The following WNK2 variants were observed in gnomAD, a reference collection of about 807,000 sequenced individuals.
WNK2 encodes serine/threonine-protein kinase WNK2.
WNK2 carries 67 observed loss-of-function variants against 192.1 expected under a neutral mutation model. The ratio of observed to expected loss-of-function variants is 0.35; its 90% CI spans 0.29 to 0.43. The LOEUF (loss-of-function observed/expected upper bound fraction) is 0.43. WNK2 is among the 20% of genes least tolerant of loss of function. The pLI is 1.00. For synonymous variants in WNK2, 1,439 were observed against 1,393.9 expected (o/e 1.03, Z -0.72); for missense variants, 2,698 against 3,089.7 (o/e 0.87, Z 3.01).
chr9:93,225,586 G>A (rs1395672144), intron 2 of WNK2, among the ~76,000 whole-genome samples: 3 of 152,214 alleles, frequency 2.0e-5, no homozygotes, highest in Non-Finnish European at 4.4e-5. Flanking sequence ...AGACTGTAGT[G>A]CATGCAGGGT....
Position 93,185,420 on chromosome 9 carries a change from A to T in WNK2, c.491A>T (p.Glu164Val), listed in dbSNP as rs1475585622. ...GAGGGGGCGGCCGAGGCGAAGCCTG[A>T]GCCCGGGCGCACTCGCCGGGACGAG... is the stretch of plus-strand genomic sequence containing the variant. ...EDEGAAEAKP[E>V]PGRTRRDEPE... Residue 164 changes from glutamate (E) to valine (V), a missense_variant, in exon 2 of 30, where the codon GAG becomes GTG. Glu to Val is a moderately radical substitution (Grantham distance 121). Transcript: ENST00000427277. 6.2e-7 allele frequency: 1 copy of T among 1,610,352 alleles called. No homozygotes were observed. The highest frequency in any genetic ancestry group is 8.5e-7 in the Non-Finnish European group (1 of 1,179,054).
rs1278639610 is a variant in WNK2, at chr9:93,257,892, A to G, written c.2382+753A>G. On this transcript the variant is annotated intron_variant, in intron 11 of 29. Coordinates refer to ENST00000427277, the MANE Select transcript of WNK2 (RefSeq NM_006648.4). This position sits in a 1 kb window ranked among gnomAD's most constrained non-coding sequence, Gnocchi z 4.7. ...GGCCAGGGCACCATTGCCCAGGTAA[A>G]TGGCATGGAGGATTCTAGGTACTCC... Among the ~76,000 whole-genome samples the G allele has an allele frequency of 1.3e-5, 2 of 152,204 alleles. No individual in the cohort carries two copies. Among genetic ancestry groups the G allele is most frequent in the Admixed American group, 6.5e-5 (1 of 15,280 alleles).
At chr9:93,288,698 G>C (rs1372804825) in intron 19 of WNK2, 90 bp from the exon 20 acceptor site, 1 of 1,308,444 alleles carries the variant, frequency 7.6e-7, no homozygotes, top group Non-Finnish European at 1.0e-6. Context: ...GCCATGGCCA[G>C]CTGTGTAAGG....
intron 2 of WNK2, among the ~76,000 whole-genome samples, chr9:93,220,057 G>C (rs770203498): frequency 1.8e-4 from 27 of 152,218 alleles, no homozygotes; most frequent in Non-Finnish European, 3.1e-4. Flanking sequence ...AGGGAGTCTT[G>C]GTTGTTTAAA....
rs1442662864 is a variant in WNK2, at chr9:93,257,339, G to A, written c.2382+200G>A. ...TCATATGCACCAGGAACGCTCCAGGGTCCCACACAACCAGCCACTTGTCCC... is the reference window on the plus strand; with the variant it reads ...TCATATGCACCAGGAACGCTCCAGGATCCCACACAACCAGCCACTTGTCCC... On this transcript the variant is annotated intron_variant, in intron 11 of 29. Coordinates refer to ENST00000427277, the MANE Select transcript of WNK2 (RefSeq NM_006648.4). This position sits in a 1 kb window ranked among gnomAD's most constrained non-coding sequence, Gnocchi z 4.7. Among the ~76,000 whole-genome samples, 1 of 152,046 alleles carries A rather than the reference G, an allele frequency of 6.6e-6. No homozygotes were observed. The highest frequency in any genetic ancestry group is 2.4e-5 in the African/African-American group (1 of 41,380).
At chr9:93,295,887 C>T (rs1271052935) in intron 23 of WNK2, among the ~76,000 whole-genome samples, 1 of 145,024 alleles carries the variant, frequency 6.9e-6, no homozygotes, top group Non-Finnish European at 1.5e-5. Context: ...TCTCCATCCT[C>T]AACTCACTTT....
rs770363897 is a variant in WNK2, at chr9:93,305,057, C to CCTCT, written c.6215-1719_6215-1716dup. 3.9e-5 allele frequency among the ~76,000 whole-genome samples: 6 copies of CCTCT among 152,200 alleles called. No homozygotes were observed. In the East Asian group the frequency reaches 7.7e-4, roughly 20 times the overall value. ...CAGCTCTGATCGCAGGTCCAGGCTC[C>CCTCT]CTCTGGTGGTTCCCAGCCGGCAGCC... is the stretch of plus-strand genomic sequence containing the variant. On this transcript the variant is annotated intron_variant, in intron 26 of 29. Coordinates refer to ENST00000427277, the MANE Select transcript of WNK2 (RefSeq NM_006648.4).
chr9:93,305,731 G>C (rs2134203283), intron 26 of WNK2, among the ~76,000 whole-genome samples: 1 of 152,352 alleles, frequency 6.6e-6, no homozygotes, highest in East Asian at 1.9e-4. Context: ...ACGTTGCCAG[G>C]TTTTCTGAGT....
intron 18 of WNK2, 26 bp from the exon 19 acceptor site, chr9:93,268,601 C>G: frequency 6.3e-7 from 1 of 1,597,986 alleles, no homozygotes; most frequent in Non-Finnish European, 8.5e-7. Flanking sequence ...ACTCACTCAG[C>G]GTGCTGTTTC....
chr9:93,217,235 G>A (rs937239233), intron 2 of WNK2, among the ~76,000 whole-genome samples: 1 of 152,144 alleles, frequency 6.6e-6, no homozygotes, highest in Non-Finnish European at 1.5e-5. Context: ...GGGATTACAG[G>A]CGAAAGCCAC....
Position 93,235,033 on chromosome 9 carries a change from G to T in WNK2, c.1233+68G>T, listed in dbSNP as rs1459697220. ...GGCCTTGGGCCGTACCCTGGGCTGGGCTCCATGTGGCTCTGTAAAGCCATC... is the reference window on the plus strand; with the variant it reads ...GGCCTTGGGCCGTACCCTGGGCTGGTCTCCATGTGGCTCTGTAAAGCCATC... On this transcript the variant is annotated intron_variant, in intron 5 of 29. Coordinates refer to ENST00000427277, the MANE Select transcript of WNK2 (RefSeq NM_006648.4). 107 of 1,563,150 alleles carry T rather than the reference G, an allele frequency of 6.8e-5. No homozygotes were observed. The East Asian group carries it at 2.4e-3, about 36-fold the overall frequency.
rs1249468884 is a variant in WNK2 at position 93,299,131 on chromosome 9, G to C, written c.5985G>C (p.Gly1995=). 6.2e-7 allele frequency: 1 copy of C among 1,611,988 alleles called. No individual in the cohort carries two copies. The highest frequency in any genetic ancestry group is 8.5e-7 in the Non-Finnish European group (1 of 1,179,658). Residue 1995 remains glycine, a synonymous_variant, in exon 25 of 30, where the codon GGG becomes GGC. Coordinates refer to ENST00000427277, the MANE Select transcript of WNK2 (RefSeq NM_006648.4). ...AGGACCCTGCCCAAGCCAGTGTGGG[G>C]CTCACTGCAGACAGCACGGGCCTGA... ...PAKDPAQASV[G]LTADSTGLSG...
At chr9:93,291,065 C>T (rs1849270079) in intron 21 of WNK2, among the ~76,000 whole-genome samples, 1 of 152,152 alleles carries the variant, frequency 6.6e-6, no homozygotes, top group African/African-American at 2.4e-5. Context: ...TAAGAGGGGT[C>T]GGGGCAGCTG....
chr9:93,272,770 G>A (rs1294445225), intron 19 of WNK2, among the ~76,000 whole-genome samples: 1 of 134,020 alleles, frequency 7.5e-6, no homozygotes, highest in Non-Finnish European at 1.6e-5. Context: ...AAATAACCCG[G>A]AAGAGGAAAT....
At chr9:93,268,775 C>G in intron 19 of WNK2, 29 bp downstream of exon 19, 4 of 1,601,502 alleles carry the variant, frequency 2.5e-6, no homozygotes, top group Non-Finnish European at 3.4e-6. Flanking sequence ...CACACAAGCC[C>G]CTCCCTGTTT....
chr9:93,308,286 G>T, intron 27 of WNK2, 42 bp from the exon 28 acceptor site: 6 of 1,533,852 alleles, frequency 3.9e-6, no homozygotes, highest in Non-Finnish European at 4.4e-6. Flanking sequence ...GCCTGGGTGC[G>T]TGTGTGGCGT....
At chr9:93,206,518 G>A (rs1453672430) in intron 2 of WNK2, among the ~76,000 whole-genome samples, 1 of 152,040 alleles carries the variant, frequency 6.6e-6, no homozygotes, top group Non-Finnish European at 1.5e-5. Flanking sequence ...TCTGACTGGG[G>A]GTGGGGGTGG....
chr9:93,204,496 C>G (rs1833026939), intron 2 of WNK2, among the ~76,000 whole-genome samples: 1 of 152,214 alleles, frequency 6.6e-6, no homozygotes, highest in Non-Finnish European at 1.5e-5. Context: ...TCTAAATGTG[C>G]TGGGAAGCCC....
At chr9:93,191,746 C>T (rs866796932) in intron 2 of WNK2, among the ~76,000 whole-genome samples, 62 of 151,978 alleles carry the variant, frequency 4.1e-4, no homozygotes, top group African/African-American at 1.4e-3. Context: ...AGGTAGGAAT[C>T]GTCCAGGCAT....
Sources: allele counts gnomAD v4.1 joint callset (sites outside exome capture counted in the v4.1 genomes callset), GRCh38; gene constraint gnomAD v4.1.1; non-coding constraint Gnocchi (gnomAD v3.1); transcripts MANE v1.5; gene names NCBI Gene and HGNC (gene_info 2026-07-23, HGNC 2026-07-21).